DENND1A: variants seen among roughly 807,000 people sequenced by gnomAD.
DENND1A encodes the protein DENN domain containing 1A, also known as DENN domain-containing protein 1A.
In DENND1A, 51 loss-of-function variants were observed where a neutral mutation model predicts 113.7. That is an observed-to-expected ratio of 0.45 (90% CI 0.36 to 0.57). The LOEUF (loss-of-function observed/expected upper bound fraction) is 0.57. Ranked by LOEUF, DENND1A falls within the 20% of genes least tolerant of loss-of-function variation. The pLI, the probability that DENND1A is intolerant of heterozygous loss-of-function variation, is 0.00. For synonymous variants in DENND1A, 565 were observed against 570.8 expected, an observed-to-expected ratio of 0.99 and a Z score of 0.14; for missense variants, 1,258 against 1,395.9, an observed-to-expected ratio of 0.90 and a Z score of 1.57.
At chr9:123,623,173 G>T (rs2061038074) in intron 10 of DENND1A, among the ~76,000 whole-genome samples, 1 of 152,074 alleles carries the variant, frequency 6.6e-6, no homozygotes, top group African/African-American at 2.4e-5. Flanking sequence ...CAATCTGAGG[G>T]ATAAAAAGAG....
chr9:123,635,322 C>T (rs896128865), intron 9 of DENND1A, among the ~76,000 whole-genome samples: 3 of 152,192 alleles, frequency 2.0e-5, no homozygotes, highest in Admixed American at 1.3e-4. Flanking sequence ...ATACACTCAT[C>T]ACCACATTTC....
chr9:123,415,138 A>G (rs1280165343), intron 19 of DENND1A, among the ~76,000 whole-genome samples: 4 of 152,310 alleles, frequency 2.6e-5, no homozygotes, highest in African/African-American at 9.6e-5. Context: ...AGATGCCAAG[A>G]AAGAGTAACG....
At chr9:123,575,422 T>C (rs972880960) in intron 12 of DENND1A, among the ~76,000 whole-genome samples, 10 of 152,108 alleles carry the variant, frequency 6.6e-5, no homozygotes, top group African/African-American at 2.4e-4. Flanking sequence ...AGCCCAGGGG[T>C]TGGAGACCCC....
At chr9:123,761,077 T>C (rs2070998631) in intron 4 of DENND1A, among the ~76,000 whole-genome samples, 2 of 152,192 alleles carry the variant, frequency 1.3e-5, no homozygotes, top group African/African-American at 4.8e-5. Context: ...AGAGAATGAA[T>C]GCACCTGACT....
intron 1 of DENND1A, among the ~76,000 whole-genome samples, chr9:123,892,951 C>T (rs1268677145): frequency 6.6e-6 from 1 of 152,102 alleles, no homozygotes; most frequent in Non-Finnish European, 1.5e-5. Context: ...CACTGCACTC[C>T]AGCCTGGGTG....
At chr9:123,891,027 T>C (rs1190585571) in intron 1 of DENND1A, among the ~76,000 whole-genome samples, 2 of 152,066 alleles carry the variant, frequency 1.3e-5, no homozygotes, top group African/African-American at 2.4e-5. Flanking sequence ...AAAACCATAG[T>C]GTCTGGCTGT....
intron 12 of DENND1A, among the ~76,000 whole-genome samples, chr9:123,563,415 A>G (rs765990710): frequency 6.6e-6 from 1 of 152,178 alleles, no homozygotes; most frequent in East Asian, 1.9e-4. Flanking sequence ...GCCTAGGTCT[A>G]AGATTGGCTT....
intron 2 of DENND1A, among the ~76,000 whole-genome samples, chr9:123,819,858 T>C (rs538955332): frequency 1.3e-5 from 2 of 152,232 alleles, no homozygotes; most frequent in African/African-American, 2.4e-5. Context: ...ATATTTTAAT[T>C]TTTCTCTTTT....
chr9:123,617,433 G>A (rs2060709710), intron 10 of DENND1A, among the ~76,000 whole-genome samples: 1 of 152,222 alleles, frequency 6.6e-6, no homozygotes, highest in African/African-American at 2.4e-5. Flanking sequence ...CTGGGAAAGG[G>A]AGGACAATGC....
chr9:123,401,488 C>T, intron 21 of DENND1A: 1 of 1,199,522 alleles, frequency 8.3e-7, no homozygotes, highest in South Asian at 2.2e-5. Context: ...CTGAAACGTA[C>T]CCCTCTGTCT....
At chr9:123,794,669 T>G (rs1046159783) in intron 2 of DENND1A, among the ~76,000 whole-genome samples, 1 of 152,182 alleles carries the variant, frequency 6.6e-6, no homozygotes, top group African/African-American at 2.4e-5. Flanking sequence ...TAGTATATTC[T>G]TCAATTTTTA....
intron 13 of DENND1A, among the ~76,000 whole-genome samples, chr9:123,545,140 C>T (rs1436241555): frequency 6.6e-6 from 1 of 151,996 alleles, no homozygotes; most frequent in East Asian, 1.9e-4. Context: ...CATTCATTCA[C>T]ATCCTACTGA....
chr9:123,463,544 C>T (rs1384521190), intron 13 of DENND1A, among the ~76,000 whole-genome samples: 1 of 152,096 alleles, frequency 6.6e-6, no homozygotes, highest in Non-Finnish European at 1.5e-5. Context: ...ATTCTATGTG[C>T]ACATTTATGA....
At chr9:123,503,350 C>T (rs2052652350) in intron 13 of DENND1A, among the ~76,000 whole-genome samples, 1 of 152,190 alleles carries the variant, frequency 6.6e-6, no homozygotes, top group Admixed American at 6.5e-5. Context: ...AAGAGTACTT[C>T]GCACAGCCCC....
intron 5 of DENND1A, among the ~76,000 whole-genome samples, chr9:123,742,081 A>G (rs1428385007): frequency 6.6e-6 from 1 of 152,234 alleles, no homozygotes; most frequent in Non-Finnish European, 1.5e-5. Context: ...ACACAAGTGC[A>G]TAGCGCCCCA....
chr9:123,500,196 T>C (rs531161217), intron 13 of DENND1A, among the ~76,000 whole-genome samples: 297 of 152,324 alleles, frequency 1.9e-3, no homozygotes, highest in African/African-American at 6.9e-3. Flanking sequence ...TGAACTATTT[T>C]AAATGAAGCA....
At chr9:123,813,284 TAGTC>T (rs1836930408) in intron 2 of DENND1A, among the ~76,000 whole-genome samples, 1 of 152,190 alleles carries the variant, frequency 6.6e-6, no homozygotes, top group African/African-American at 2.4e-5. Flanking sequence ...TTTTACATCT[TAGTC>T]AAGAAATCCT....
Position 123,667,093 on chromosome 9 carries a change from G to A in DENND1A, c.454-14C>T. 6.3e-7 allele frequency: 1 copy of A among 1,594,036 alleles called. No individual in the cohort carries two copies. The highest frequency in any genetic ancestry group is 8.5e-7 in the Non-Finnish European group (1 of 1,173,370). ...AAAATAAGAATGCTAGAAAAGAAAA[G>A]CAAAAGTGATTTATTTCTGCTAAAA... On this transcript the variant is annotated splice_polypyrimidine_tract_variant and intron_variant, in intron 7 of 23. Transcript: ENST00000394215.
intron 1 of DENND1A, among the ~76,000 whole-genome samples, chr9:123,890,285 G>A (rs569407449): frequency 6.6e-6 from 1 of 152,270 alleles, no homozygotes; most frequent in South Asian, 2.1e-4. Flanking sequence ...GTGGCTGGGG[G>A]AATGGTGGGC....
Sources: gnomAD v4.1 joint callset for allele counts (sites outside exome capture counted in the v4.1 genomes callset) on GRCh38, gnomAD v4.1.1 for gene constraint, MANE v1.5 for transcripts, NCBI Gene and HGNC (gene_info 2026-07-23, HGNC 2026-07-21) for gene names.